The following CASP10 variants were observed in gnomAD, a reference collection of about 807,000 sequenced individuals.
CASP10 encodes caspase 10.
In CASP10, 41 loss-of-function variants were observed where a neutral mutation model predicts 48.5. That is an observed-to-expected ratio of 0.85 (90% CI 0.66 to 1.10). The LOEUF is 1.10. CASP10 is among the 50% of genes least tolerant of loss of function. The pLI is 0.00. For synonymous variants in CASP10, 232 were observed against 238.4 expected (o/e 0.97, Z 0.25); for missense variants, 614 against 614.5 (o/e 1.00, Z 0.01).
At chr2:201,209,041 C>CTCTTT in intron 8 of CASP10, 29 bp from the exon 9 acceptor site, 1 of 1,322,604 alleles carries the variant, frequency 7.6e-7, no homozygotes, top group Non-Finnish European at 1.0e-6. Flanking sequence ...CTCTCTCTCT[C>CTCTTT]TTTTTTTTTT....
chr2:201,214,283 A>G (rs992117561), intron 9 of CASP10: 5 of 152,166 alleles, frequency 3.3e-5, no homozygotes, highest in African/African-American at 1.2e-4. Flanking sequence ...AGATAGGGAT[A>G]AGTGTAGCTT....
chr2:201,201,107 G>T (rs10190274), intron 5 of CASP10, among the ~76,000 whole-genome samples: 9,165 of 151,874 alleles, frequency 0.06, 900 homozygotes, highest in African/African-American at 0.21. Context: ...ACCCAGGCTG[G>T]AGTGCAATCT....
In CASP10 at chr2:201,220,104, ATC is replaced by A. The variant is rs1945684394; in HGVS notation, c.*2367_*2368del. On this transcript the variant is annotated 3_prime_UTR_variant, in exon 10 of 10. Coordinates refer to ENST00000286186, the MANE Select transcript of CASP10 (RefSeq NM_032977.4). ...ATATTCACAAGAACACTGTTCTGATATCTCTGATTGTCATGTGGATTTGAATG... is the reference window on the plus strand; with the variant it reads ...ATATTCACAAGAACACTGTTCTGATATCTGATTGTCATGTGGATTTGAATG... 2.0e-6 allele frequency: 2 copies of A among 985,358 alleles called. No homozygotes were observed. The highest frequency in any genetic ancestry group is 9.4e-5 in the South Asian group (2 of 21,282). The allele number at this position is 985,358 out of a possible 1,614,324, so 61.0% of individuals were successfully genotyped here. A position where few individuals can be genotyped will look rare whatever the true frequency, so the allele number is the denominator to read the frequency against.
chr2:201,209,653 A>G (rs1945331839), intron 9 of CASP10, 91 bp downstream of exon 9: 1 of 1,343,956 alleles, frequency 7.4e-7, no homozygotes. Context: ...TAAGGGTGAG[A>G]GTTCTACGTT....
intron 9 of CASP10, chr2:201,212,757 G>C (rs532963267): frequency 1.3e-5 from 2 of 152,170 alleles, no homozygotes; most frequent in East Asian, 3.8e-4. Context: ...TTAATGTTCA[G>C]ATCTGCCTTC....
At chr2:201,224,901 A>T (rs1292168974), downstream of CASP10, among the ~76,000 whole-genome samples, 1 of 152,140 alleles carries the variant, frequency 6.6e-6, no homozygotes, top group Non-Finnish European at 1.5e-5. Context: ...ATTTATTTAT[A>T]ATTCTATTTT....
chr2:201,192,998 C>T lies in CASP10; in HGVS notation c.456C>T (p.Phe152=), dbSNP rs1291833778. 1 of 1,613,572 alleles carries T rather than the reference C, an allele frequency of 6.2e-7. No individual in the cohort carries two copies. The highest frequency in any genetic ancestry group is 1.1e-5 in the South Asian group (1 of 91,058). ...LPKTEMTSLS[F]LAFLEKQGKI... is the part of the protein sequence containing the mutation. ...TTCTCTTGTAGACCTCCCTAAGTTT[C>T]CTGGCATTTCTAGAGAAACAAGGTA... Residue 152 remains phenylalanine, a synonymous_variant, in exon 4 of 10, where the codon TTC becomes TTT. Coordinates refer to ENST00000286186, the MANE Select transcript of CASP10 (RefSeq NM_032977.4).
At chr2:201,226,584 A>T (rs537671405), downstream of CASP10, among the ~76,000 whole-genome samples, 1 of 152,292 alleles carries the variant, frequency 6.6e-6, no homozygotes, top group South Asian at 2.1e-4. Flanking sequence ...AAGTATTGAA[A>T]TTATAGGCGT....
At chr2:201,195,082 TTTG>T (rs1944744503) in intron 4 of CASP10, among the ~76,000 whole-genome samples, 1 of 150,420 alleles carries the variant, frequency 6.6e-6, no homozygotes, top group Admixed American at 6.6e-5. Flanking sequence ...CGGCTTGAGC[TTTG>T]TTATTTTTAT....
chr2:201,188,478 C>A (rs1455616302), intron 3 of CASP10, among the ~76,000 whole-genome samples: 3 of 152,176 alleles, frequency 2.0e-5, no homozygotes, highest in African/African-American at 7.2e-5. Flanking sequence ...CCGCACCTGG[C>A]CTTGTCCAGT....
At chr2:201,207,114 C>A (rs1945232383) in intron 7 of CASP10, among the ~76,000 whole-genome samples, 1 of 152,106 alleles carries the variant, frequency 6.6e-6, no homozygotes, top group African/African-American at 2.4e-5. Flanking sequence ...GAGTGGCATC[C>A]TGAAAGAAAG....
At chr2:201,214,833 A>C (rs902931713) in intron 9 of CASP10, 4 of 152,132 alleles carry the variant, frequency 2.6e-5, no homozygotes, top group Non-Finnish European at 4.4e-5. Flanking sequence ...ACTATGAATA[A>C]TGATAATATT....
At position 201,209,392 on chromosome 2, in the gene CASP10, T is replaced by C. The variant is rs755034086; in HGVS notation, c.1245T>C (p.Asp415=). The stretch of plus-strand genomic sequence containing the variant: ...AGCCTTCCGTATCCATCGAAGCAGA[T>C]GCTCTGAACCCTGAGCAGGCACCCA... ...EIQPSVSIEA[D]ALNPEQAPTS... The change falls in exon 9 of 10, where the codon GAT becomes GAC. Residue 415 remains aspartate, a synonymous_variant. Transcript: ENST00000286186. The C allele has an allele frequency of 1.9e-6, 3 of 1,614,040 alleles. No individual in the cohort carries two copies. The highest frequency in any genetic ancestry group is 2.5e-6 in the Non-Finnish European group (3 of 1,180,042).
chr2:201,198,050 A>G (rs1449605460), intron 5 of CASP10, among the ~76,000 whole-genome samples: 6 of 152,096 alleles, frequency 3.9e-5, no homozygotes, highest in Non-Finnish European at 7.4e-5. Flanking sequence ...AGGCATCCTA[A>G]TGGAAGTGAG....
At chr2:201,193,169 A>G (rs1444997217) in intron 4 of CASP10, 50 bp downstream of exon 4, 16 of 1,575,502 alleles carry the variant, frequency 1.0e-5, no homozygotes, top group Non-Finnish European at 1.3e-5. Context: ...AAATTCTTAA[A>G]CCAATTGGCC....
At chr2:201,210,866 T>G (rs1254675356) in intron 9 of CASP10, among the ~76,000 whole-genome samples, 3 of 152,174 alleles carry the variant, frequency 2.0e-5, no homozygotes, top group Non-Finnish European at 4.4e-5. Context: ...ATTATTATTT[T>G]AAAAATTCAA....
At chr2:201,196,356 C>A (rs1288337921) in intron 5 of CASP10, among the ~76,000 whole-genome samples, 4 of 152,320 alleles carry the variant, frequency 2.6e-5, no homozygotes, top group Admixed American at 2.0e-4. Flanking sequence ...TTGTTTAATG[C>A]TCTGCTGTTA....
chr2:201,208,004 A>G (rs1237806830), intron 7 of CASP10, 71 bp from the exon 8 acceptor site: 2 of 980,758 alleles, frequency 2.0e-6, no homozygotes, highest in African/African-American at 1.6e-5. Flanking sequence ...GATCCATTGG[A>G]GTGGTTGGTT....
Position 201,209,255 on chromosome 2 carries a change from G to C in CASP10, c.1108G>C (p.Ala370Pro). ...RFGAVYSSDE[A>P]LIPIREIMSH... ...TGGAGCTGTCTACTCTTCGGATGAG[G>C]CCCTCATTCCCATTCGGGAGATCAT... Residue 370 changes from alanine to proline, a missense_variant, in exon 9 of 10, where the codon GCC becomes CCC. Transcript: ENST00000286186. 1 of 1,614,170 alleles carries C rather than the reference G, an allele frequency of 6.2e-7. No homozygotes were observed.
Sources: gnomAD v4.1 joint callset for allele counts (sites outside exome capture counted in the v4.1 genomes callset) on GRCh38, gnomAD v4.1.1 for gene constraint, MANE v1.5 for transcripts, NCBI Gene and HGNC (gene_info 2026-07-23, HGNC 2026-07-21) for gene names.